Variants in TAF3 observed in about 807,000 individuals in gnomAD.
TAF3 encodes TATA-box binding protein associated factor 3, also known as transcription initiation factor TFIID subunit 3.
TAF3 carries 7 observed loss-of-function variants against 80.6 expected under a neutral mutation model. That is an observed-to-expected ratio of 0.09 (90% CI 0.05 to 0.16). The LOEUF (loss-of-function observed/expected upper bound fraction) is 0.16, where lower values mean the gene tolerates loss of function less well. Among genes scored for constraint, TAF3 ranks in the 10% least tolerant of loss-of-function variants. The probability of loss-of-function intolerance (pLI) is 1.00; values close to 1 mark genes in which losing one functional copy is unlikely to be tolerated. For synonymous variants in TAF3, 444 were observed against 446.1 expected (o/e 1.00, Z 0.06); for missense variants, 921 against 1,140.2 (o/e 0.81, Z 2.77).
chr10:7,935,379 C>T (rs954628455), intron 2 of TAF3, among the ~76,000 whole-genome samples: 4 of 151,922 alleles, frequency 2.6e-5, no homozygotes, highest in South Asian at 2.1e-4. Context: ...GGGCAGATCA[C>T]GAGGTCAGGA....
intron 2 of TAF3, among the ~76,000 whole-genome samples, chr10:7,903,669 C>T (rs546655302): frequency 1.3e-5 from 2 of 152,230 alleles, no homozygotes; most frequent in East Asian, 3.9e-4. Flanking sequence ...TATAGAAGCA[C>T]GATTTTCAGG....
intron 4 of TAF3, among the ~76,000 whole-genome samples, chr10:7,987,030 A>G (rs1831785617): frequency 6.6e-6 from 1 of 152,138 alleles, no homozygotes; most frequent in South Asian, 2.1e-4. Flanking sequence ...TTTTATAAAA[A>G]CAAATTAGGG....
chr10:8,002,834 C>G (rs1025079711), intron 4 of TAF3, among the ~76,000 whole-genome samples: 2 of 152,090 alleles, frequency 1.3e-5, no homozygotes, highest in East Asian at 3.8e-4. Flanking sequence ...ACTGTTCTGT[C>G]AGTTTTTGCT....
chr10:7,831,507 G>A (rs1023587081), intron 2 of TAF3, among the ~76,000 whole-genome samples: 4 of 152,062 alleles, frequency 2.6e-5, no homozygotes, highest in Admixed American at 6.6e-5. Context: ...CACCACGCCC[G>A]GCTAATTTTT....
rs1831682975 is a variant in TAF3 at position 7,977,300 on chromosome 10, A to G, written c.2292A>G (p.Arg764=). ...CAGTTATCCCCAGATTAACTCTCCG[A>G]GTCGGTGCTGGCCAAGACAAGATGT... ...PSPVIPRLTL[R]VGAGQDKIVI... is the part of the protein sequence containing the mutation. The change falls in exon 4 of 7, where the codon CGA becomes CGG. Residue 764 remains arginine, a synonymous_variant. Coordinates refer to ENST00000344293, the MANE Select transcript of TAF3 (RefSeq NM_031923.4). 1 of 1,614,094 alleles carries G rather than the reference A, an allele frequency of 6.2e-7. No homozygotes were observed. The highest frequency in any genetic ancestry group is 1.3e-5 in the African/African-American group (1 of 74,936).
At chr10:7,869,890 A>G (rs1255410207) in intron 2 of TAF3, among the ~76,000 whole-genome samples, 1 of 152,168 alleles carries the variant, frequency 6.6e-6, no homozygotes, top group Admixed American at 6.5e-5. Context: ...TCCATTATAA[A>G]TTGCTCTTTA....
chr10:7,966,900 C>T (rs1054847796), intron 3 of TAF3, among the ~76,000 whole-genome samples: 1 of 152,188 alleles, frequency 6.6e-6, no homozygotes, highest in Non-Finnish European at 1.5e-5. Flanking sequence ...ATATCAATAA[C>T]TGAACATTGA....
intron 2 of TAF3, among the ~76,000 whole-genome samples, chr10:7,858,706 G>A (rs991520312): frequency 7.9e-5 from 12 of 152,144 alleles, no homozygotes; most frequent in African/African-American, 2.2e-4. Context: ...GCTTAGAACC[G>A]TGGCCGGGAC....
chr10:7,868,876 A>G (rs958225637), intron 2 of TAF3, among the ~76,000 whole-genome samples: 2 of 152,232 alleles, frequency 1.3e-5, no homozygotes, highest in Admixed American at 6.5e-5. Context: ...TACTTAGAGA[A>G]CTCTAAATTT....
At chr10:7,850,739 T>A (rs916582604) in intron 2 of TAF3, among the ~76,000 whole-genome samples, 1 of 152,020 alleles carries the variant, frequency 6.6e-6, no homozygotes, top group African/African-American at 2.4e-5. Flanking sequence ...TAATACGATT[T>A]AAAATATCAG....
At chr10:7,832,182 CTG>C (rs963077617) in intron 2 of TAF3, among the ~76,000 whole-genome samples, 1 of 152,158 alleles carries the variant, frequency 6.6e-6, no homozygotes, top group African/African-American at 2.4e-5. Flanking sequence ...CCTATCATCT[CTG>C]TATCCCCACA....
intron 2 of TAF3, among the ~76,000 whole-genome samples, chr10:7,917,109 G>T (rs1291767372): frequency 6.6e-6 from 1 of 152,236 alleles, no homozygotes; most frequent in African/African-American, 2.4e-5. Context: ...AGATATTCCA[G>T]TGGATGAAAC....
Position 7,818,604 on chromosome 10 carries a change from C to A in TAF3, c.-106C>A. ...TCGCCGGGGGTCCGGGGGACCCTTT[C>A]CCCGCCGCGGAAGCCCTAGAGGATG... On this transcript the variant is annotated 5_prime_UTR_variant, in exon 1 of 7. Transcript: ENST00000344293. 1 of 1,312,134 alleles carries A rather than the reference C, an allele frequency of 7.6e-7. No homozygotes were observed. The highest frequency in any genetic ancestry group is 1.0e-6 in the Non-Finnish European group (1 of 999,098). 81.3% of individuals were successfully genotyped at this position (1,312,134 alleles called of 1,614,324 possible).
chr10:7,859,044 C>T (rs566887066), intron 2 of TAF3, among the ~76,000 whole-genome samples: 66 of 152,112 alleles, frequency 4.3e-4, no homozygotes, highest in African/African-American at 1.5e-3. Context: ...GGGCAGATCA[C>T]GAGGTCAGGA....
rs556188274 is a variant in TAF3, at chr10:7,934,655, G to A, written c.410-29265G>A. ...GGACGGAGTTTCACCGTGTTGGCCA[G>A]ACTGGTCTTGAACTCCTGACCTCAA... On this transcript the variant is annotated intron_variant, in intron 2 of 6. Transcript: ENST00000344293. 2.0e-5 allele frequency among the ~76,000 whole-genome samples: 3 copies of A among 152,158 alleles called. No homozygotes were observed. The South Asian group carries it at 6.2e-4, about 32-fold the overall frequency.
chr10:8,012,055 T>C (rs1421117011), intron 5 of TAF3, among the ~76,000 whole-genome samples: 1 of 152,120 alleles, frequency 6.6e-6, no homozygotes, highest in East Asian at 1.9e-4. Context: ...CATGTGCCTG[T>C]AGTCTCAACT....
chr10:7,840,790 T>TGA (rs1402674454), intron 2 of TAF3, among the ~76,000 whole-genome samples: 1 of 152,214 alleles, frequency 6.6e-6, no homozygotes, highest in Non-Finnish European at 1.5e-5. Flanking sequence ...TTGCCTTTTA[T>TGA]TTAGCTAATG....
rs111365166 is a variant in TAF3 at position 7,926,147 on chromosome 10, C to G, written c.410-37773C>G. Among the ~76,000 whole-genome samples the G allele has an allele frequency of 5.8e-3, 879 of 152,324 alleles. 5 individuals are homozygous for G. Among genetic ancestry groups the G allele is most frequent in the Middle Eastern group, 0.01 (3 of 294 alleles). On this transcript the variant is annotated intron_variant, in intron 2 of 6. Transcript: ENST00000344293. Reference sequence around the variant, plus strand: ...TTAACTTTTGATGTTACTGGTCTGACTGAGAAAGGGTAAATTAATTTGTAG... The same window carrying G: ...TTAACTTTTGATGTTACTGGTCTGAGTGAGAAAGGGTAAATTAATTTGTAG...
At chr10:7,850,731 A>T (rs1245357118) in intron 2 of TAF3, among the ~76,000 whole-genome samples, 4 of 151,946 alleles carry the variant, frequency 2.6e-5, no homozygotes, top group Non-Finnish European at 5.9e-5. Context: ...ACATACACTA[A>T]TACGATTTAA....
Sources: gnomAD v4.1 joint callset for allele counts (sites outside exome capture counted in the v4.1 genomes callset) on GRCh38, gnomAD v4.1.1 for gene constraint, MANE v1.5 for transcripts, NCBI Gene and HGNC (gene_info 2026-07-23, HGNC 2026-07-21) for gene names.